The following SAMMSON variants were observed in gnomAD, a reference collection of about 807,000 sequenced individuals.
SAMMSON encodes survival associated mitochondrial melanoma specific oncogenic non-coding RNA.
At chr3:70,380,789 C>T (rs1031138482) in intron 9 of SAMMSON, among the ~76,000 whole-genome samples, 15 of 151,362 alleles carry the variant, frequency 9.9e-5, no homozygotes, top group Admixed American at 7.3e-4. Context: ...TGAGAGTATG[C>T]GGTGTTTGGT....
intron 4 of SAMMSON, among the ~76,000 whole-genome samples, chr3:70,161,887 T>G (rs1251544103): frequency 6.6e-6 from 1 of 151,650 alleles, no homozygotes; most frequent in Non-Finnish European, 1.5e-5. Context: ...AATTCATTTT[T>G]TTAAGAATTT....
intron 9 of SAMMSON, among the ~76,000 whole-genome samples, chr3:70,360,856 A>G (rs1702865764): frequency 6.6e-6 from 1 of 152,208 alleles, no homozygotes; most frequent in African/African-American, 2.4e-5. Flanking sequence ...TTAGTCTAAT[A>G]TAATTCTAAA....
At chr3:70,245,471 C>T (rs1575605519) in intron 4 of SAMMSON, among the ~76,000 whole-genome samples, 4 of 151,222 alleles carry the variant, frequency 2.6e-5, no homozygotes, top group African/African-American at 9.7e-5. Context: ...AGCATATGGT[C>T]GATGGCCTCT....
At chr3:70,339,296 A>T (rs903958218) in intron 7 of SAMMSON, among the ~76,000 whole-genome samples, 1 of 152,210 alleles carries the variant, frequency 6.6e-6, no homozygotes, top group African/African-American at 2.4e-5. Flanking sequence ...AATCATAAAA[A>T]ACCCTAGAAG....
At chr3:70,283,816 G>C (rs1702113091) in intron 6 of SAMMSON, 1 of 151,626 alleles carries the variant, frequency 6.6e-6, no homozygotes, top group African/African-American at 2.4e-5. Context: ...AGGCAAATAT[G>C]GCCAAATGTT....
intron 9 of SAMMSON, among the ~76,000 whole-genome samples, chr3:70,377,738 A>G (rs805477): frequency 0.55 from 83,374 of 151,894 alleles, 23,126 homozygotes; most frequent in East Asian, 0.61. Flanking sequence ...TGGCAGAAAA[A>G]GAATACTAGC....
chr3:70,277,202 C>A (rs1575613225), intron 6 of SAMMSON, among the ~76,000 whole-genome samples: 1 of 152,148 alleles, frequency 6.6e-6, no homozygotes, highest in East Asian at 1.9e-4. Context: ...ATGAACATAG[C>A]CCGTATCTCC....
chr3:70,179,539 T>C (rs993969396), intron 4 of SAMMSON, among the ~76,000 whole-genome samples: 5 of 152,186 alleles, frequency 3.3e-5, no homozygotes, highest in Admixed American at 2.6e-4. Flanking sequence ...ACACCCCTAA[T>C]AGAGTTCAAG....
At chr3:70,237,423 T>C (rs919072135) in intron 4 of SAMMSON, among the ~76,000 whole-genome samples, 1 of 152,238 alleles carries the variant, frequency 6.6e-6, no homozygotes, top group Admixed American at 6.5e-5. Flanking sequence ...TTGACCTCTT[T>C]GTGCATGCCT....
intron 6 of SAMMSON, among the ~76,000 whole-genome samples, chr3:70,257,970 G>A (rs1701832222): frequency 1.3e-5 from 2 of 152,198 alleles, no homozygotes; most frequent in Non-Finnish European, 2.9e-5. Flanking sequence ...CGGAAATAAA[G>A]CTATGTAACT....
intron 6 of SAMMSON, among the ~76,000 whole-genome samples, chr3:70,257,048 G>A (rs942107272): frequency 3.3e-5 from 5 of 152,190 alleles, no homozygotes; most frequent in Non-Finnish European, 7.3e-5. Context: ...ATCTGATGGC[G>A]AAAAGCAGGA....
chr3:70,215,994 T>TG (rs1701406156), intron 4 of SAMMSON, among the ~76,000 whole-genome samples: 2 of 152,000 alleles, frequency 1.3e-5, no homozygotes, highest in Admixed American at 1.3e-4. Context: ...GAATGCAACA[T>TG]TTGCATTGAT....
chr3:70,119,310 A>G (rs1576126652), intron 4 of SAMMSON, among the ~76,000 whole-genome samples: 1 of 152,086 alleles, frequency 6.6e-6, no homozygotes, highest in Non-Finnish European at 1.5e-5. Context: ...CAGGTGATCC[A>G]CCTGCCTTGG....
intron 9 of SAMMSON, among the ~76,000 whole-genome samples, chr3:70,377,814 A>G (rs1251017633): frequency 6.6e-6 from 1 of 152,062 alleles, no homozygotes; most frequent in Non-Finnish European, 1.5e-5. Flanking sequence ...AAAAATGTTC[A>G]AAGAATATGA....
chr3:70,322,803 G>C (rs1702547276), intron 7 of SAMMSON, among the ~76,000 whole-genome samples: 1 of 152,180 alleles, frequency 6.6e-6, no homozygotes, highest in Non-Finnish European at 1.5e-5. Context: ...TCTTTGAAGA[G>C]CCATAGAGAC....
chr3:70,301,027 C>T, intron 7 of SAMMSON, among the ~76,000 whole-genome samples: 1 of 151,984 alleles, frequency 6.6e-6, no homozygotes, highest in East Asian at 1.9e-4. Flanking sequence ...CCATTAAGTA[C>T]CTCCGCTCTT....
intron 4 of SAMMSON, among the ~76,000 whole-genome samples, chr3:70,214,130 A>C (rs935310425): frequency 6.6e-6 from 1 of 152,142 alleles, no homozygotes; most frequent in African/African-American, 2.4e-5. Flanking sequence ...CAATTGCTAC[A>C]TCCTGATAGA....
chr3:70,279,002 C>G (rs1161281099), intron 6 of SAMMSON, among the ~76,000 whole-genome samples: 1 of 151,286 alleles, frequency 6.6e-6, no homozygotes, highest in Admixed American at 6.6e-5. Flanking sequence ...GAAAATCCGT[C>G]TATATGTAGA....
At position 70,427,214 on chromosome 3, in the gene SAMMSON, T is replaced by C. The variant is rs570554848; in HGVS notation, n.234-35346T>C. Among the ~76,000 whole-genome samples the C allele has an allele frequency of 2.6e-5, 4 of 152,300 alleles. 1 individual carries two copies. In the South Asian group the frequency reaches 8.3e-4, roughly 32 times the overall value. ...ACACAGCATACAACATCTGCAACGG[T>C]AGACAGGATTTTCTACATTCAGAGT... On this transcript the variant is annotated intron_variant and non_coding_transcript_variant, in intron 2 of 3. Coordinates refer to the SAMMSON transcript ENST00000641053.
Sources: gnomAD v4.1 joint callset for allele counts (sites outside exome capture counted in the v4.1 genomes callset) on GRCh38, gnomAD v4.1.1 for gene constraint, MANE v1.5 for transcripts, NCBI Gene and HGNC (gene_info 2026-07-23, HGNC 2026-07-21) for gene names.